Variants in CCDC92B observed in about 807,000 individuals in gnomAD.
CCDC92B encodes the protein coiled-coil domain-containing 92B.
Under a neutral mutation model 5.6 loss-of-function variants are expected in CCDC92B, and 2 were observed. The observed-to-expected ratio is 0.36, with a 90% CI of 0.15 to 1.12. The LOEUF (loss-of-function observed/expected upper bound fraction) is 1.12, where lower values mean the gene tolerates loss of function less well. Ranked by LOEUF, CCDC92B falls within the 50% of genes most tolerant of loss-of-function variation. The probability of loss-of-function intolerance (pLI) is 0.40; values close to 1 mark genes in which losing one functional copy is unlikely to be tolerated. For synonymous variants in CCDC92B, 115 were observed against 122.3 expected, an observed-to-expected ratio of 0.94 and a Z score of 0.39; for missense variants, 271 against 262.2, an observed-to-expected ratio of 1.03 and a Z score of -0.23.
Position 2,731,948 on chromosome 17 carries a change from C to G in CCDC92B, c.131-1455G>C, listed in dbSNP as rs546817636. Among the ~76,000 whole-genome samples the G allele has an allele frequency of 5.1e-4, 77 of 152,336 alleles. 1 individual carries two copies. The highest frequency in any genetic ancestry group is 3.9e-4 in the East Asian group (2 of 5,186). ...AAATCTCAGCTGGGCTATAGATGAGCGTGCTGTGAGGTCAGATACGCTGTG... is the reference window on the plus strand; with the variant it reads ...AAATCTCAGCTGGGCTATAGATGAGGGTGCTGTGAGGTCAGATACGCTGTG... On this transcript the variant is annotated intron_variant, in intron 2 of 3. Transcript: ENST00000614400.
chr17:2,737,086 G>A (rs956399662), intron 1 of CCDC92B, among the ~76,000 whole-genome samples: 10 of 151,776 alleles, frequency 6.6e-5, no homozygotes, highest in Admixed American at 1.3e-4. Flanking sequence ...TTCTGGCTCC[G>A]CCCCCTTCCC....
At position 2,721,888 on chromosome 17, in the gene CCDC92B, G is replaced by A. The variant is rs972600457; in HGVS notation, c.*2523C>T. The A allele has an allele frequency of 1.3e-5, 2 of 152,258 alleles. No homozygotes were observed. Among genetic ancestry groups the A allele is most frequent in the African/African-American group, 2.4e-5 (1 of 41,404 alleles). The allele number at this position is 152,258 out of a possible 1,614,324, so 9.4% of individuals were successfully genotyped here. ...TGGGTGGAGCTGATGGGGTCACTTCGGGAGAAGCAGGCAGGCCACTGGAAG... is the reference window on the plus strand; with the variant it reads ...TGGGTGGAGCTGATGGGGTCACTTCAGGAGAAGCAGGCAGGCCACTGGAAG... On this transcript the variant is annotated 3_prime_UTR_variant, in exon 4 of 4. Transcript: ENST00000614400.
intron 3 of CCDC92B, among the ~76,000 whole-genome samples, chr17:2,728,724 TCA>T (rs1229635904): frequency 6.6e-6 from 1 of 152,196 alleles, no homozygotes; most frequent in Non-Finnish European, 1.5e-5. Context: ...AGTGGCTGTG[TCA>T]CAGAACTGTC....
chr17:2,728,073 C>G (rs192421028), intron 3 of CCDC92B, among the ~76,000 whole-genome samples: 7 of 152,270 alleles, frequency 4.6e-5, no homozygotes, highest in Admixed American at 2.6e-4. Context: ...TGCCTGTAAT[C>G]CCAGCACTTT....
At chr17:2,732,961 C>T (rs1241888192) in intron 2 of CCDC92B, among the ~76,000 whole-genome samples, 4 of 149,198 alleles carry the variant, frequency 2.7e-5, no homozygotes, top group Non-Finnish European at 4.5e-5. Flanking sequence ...TGCAGTGAGC[C>T]GAGATCACGC....
chr17:2,728,897 A>G (rs1418479191), intron 3 of CCDC92B, among the ~76,000 whole-genome samples: 1 of 152,228 alleles, frequency 6.6e-6, no homozygotes, highest in Admixed American at 6.5e-5. Context: ...AGCAGTTTCT[A>G]GGGTTCCTAA....
intron 2 of CCDC92B, among the ~76,000 whole-genome samples, chr17:2,734,607 A>G (rs2070837342): frequency 6.6e-6 from 1 of 151,672 alleles, no homozygotes; most frequent in African/African-American, 2.4e-5. Flanking sequence ...CCTCTGCCTC[A>G]GCCTCCCAAG....
intron 1 of CCDC92B, among the ~76,000 whole-genome samples, chr17:2,744,719 C>A (rs1280585077): frequency 1.3e-5 from 2 of 152,028 alleles, no homozygotes; most frequent in African/African-American, 4.8e-5. Context: ...GGGTGATATA[C>A]CCAAGAGACC....
At chr17:2,737,860 T>G (rs1183319064) in intron 1 of CCDC92B, among the ~76,000 whole-genome samples, 1 of 151,874 alleles carries the variant, frequency 6.6e-6, no homozygotes, top group Non-Finnish European at 1.5e-5. Context: ...ATCTGCTATG[T>G]TCAGGGAACA....
At chr17:2,747,101 G>T (rs1323650873) in intron 1 of CCDC92B, among the ~76,000 whole-genome samples, 1 of 152,078 alleles carries the variant, frequency 6.6e-6, no homozygotes, top group East Asian at 1.9e-4. Context: ...TTTCCCTCAA[G>T]CAGAGGAGGT....
chr17:2,733,947 A>C (rs2070829112), intron 2 of CCDC92B, among the ~76,000 whole-genome samples: 1 of 151,068 alleles, frequency 6.6e-6, no homozygotes, highest in Non-Finnish European at 1.5e-5. Flanking sequence ...TTTAGTAGAG[A>C]CGGGGTTTCG....
chr17:2,736,147 G>A (rs189604573), intron 1 of CCDC92B, among the ~76,000 whole-genome samples: 5 of 152,238 alleles, frequency 3.3e-5, no homozygotes, highest in East Asian at 1.9e-4. Context: ...AGAGAAAGGC[G>A]GGCCGGGCGC....
Position 2,724,832 on chromosome 17 carries a change from A to C in CCDC92B, c.347T>G (p.Leu116Arg). 1.0e-6 allele frequency: 1 copy of C among 984,894 alleles called. No homozygotes were observed. The highest frequency in any genetic ancestry group is 1.2e-6 in the Non-Finnish European group (1 of 829,756). The allele number at this position is 984,894 out of a possible 1,614,324, so 61.0% of individuals were successfully genotyped here. Reference sequence around the variant, plus strand: ...GGTGGCGCGGTGGCTGCGGCGGCGCAGCTCCTCCAGGAAGCGGCGCTCCTC... The same window carrying C: ...GGTGGCGCGGTGGCTGCGGCGGCGCCGCTCCTCCAGGAAGCGGCGCTCCTC... ...RTEERRFLEE[L>R]RRRSHRATVL... Residue 116 changes from leucine (L) to arginine (R), a missense_variant, in exon 4 of 4, where the codon CTG becomes CGG. Coordinates refer to ENST00000614400, the MANE Select transcript of CCDC92B (RefSeq NM_001355573.2). This position sits in a 1 kb window ranked among gnomAD's most constrained non-coding sequence, Gnocchi z 5.0.
At chr17:2,737,092 T>A (rs2070866533) in intron 1 of CCDC92B, among the ~76,000 whole-genome samples, 1 of 151,966 alleles carries the variant, frequency 6.6e-6, no homozygotes, top group African/African-American at 2.4e-5. Context: ...CTCCGCCCCC[T>A]TCCCCATGAC....
At chr17:2,741,916 G>A (rs1221727586) in intron 1 of CCDC92B, among the ~76,000 whole-genome samples, 1 of 148,104 alleles carries the variant, frequency 6.8e-6, no homozygotes, top group Non-Finnish European at 1.5e-5. Flanking sequence ...AAACCAGGAC[G>A]CGGAGGTTGC....
At chr17:2,725,229 C>T (rs994689921) in intron 3 of CCDC92B, among the ~76,000 whole-genome samples, 5 of 143,944 alleles carry the variant, frequency 3.5e-5, no homozygotes, top group Non-Finnish European at 6.3e-5. Context: ...CAAAAATTAG[C>T]CGGGCGTGGT....
intron 1 of CCDC92B, chr17:2,748,565 C>T: frequency 1.0e-6 from 1 of 984,756 alleles, no homozygotes; most frequent in Non-Finnish European, 1.2e-6. Flanking sequence ...CACCTGGCTT[C>T]TGTACTAAGC....
chr17:2,739,379 A>G (rs1377929586), intron 1 of CCDC92B, among the ~76,000 whole-genome samples: 1 of 148,608 alleles, frequency 6.7e-6, no homozygotes. Context: ...ATAAATAAAT[A>G]AAATAAAAAT....
At chr17:2,725,184 G>A (rs1442418246) in intron 3 of CCDC92B, among the ~76,000 whole-genome samples, 184 bp from the exon 4 acceptor site, 1 of 152,030 alleles carries the variant, frequency 6.6e-6, no homozygotes, top group Non-Finnish European at 1.5e-5. Flanking sequence ...GACCAGCCTG[G>A]CCAACATGGT....
Sources: gnomAD v4.1 joint callset for allele counts (sites outside exome capture counted in the v4.1 genomes callset) on GRCh38, gnomAD v4.1.1 for gene constraint, Gnocchi (gnomAD v3.1) non-coding constraint, MANE v1.5 for transcripts, NCBI Gene and HGNC (gene_info 2026-07-23, HGNC 2026-07-21) for gene names.